The following FGF12 variants were observed in gnomAD, a reference collection of about 807,000 sequenced individuals.
FGF12 encodes fibroblast growth factor 12B.
In FGF12, 14 loss-of-function variants were observed where a neutral mutation model predicts 23.6. The observed-to-expected ratio is 0.59, with a 90% CI of 0.39 to 0.93. FGF12 has a LOEUF of 0.93. Ranked by LOEUF, FGF12 falls within the 40% of genes least tolerant of loss-of-function variation. The probability of loss-of-function intolerance (pLI) is 0.00; values close to 1 mark genes in which losing one functional copy is unlikely to be tolerated. For missense variants in FGF12, 175 were observed against 217.8 expected, an observed-to-expected ratio of 0.80 and a Z score of 1.24; for synonymous variants, 62 against 77.3, an observed-to-expected ratio of 0.80 and a Z score of 1.04.
chr3:192,673,928 A>C (rs1717228010), intron 2 of FGF12, among the ~76,000 whole-genome samples: 1 of 151,180 alleles, frequency 6.6e-6, no homozygotes, highest in South Asian at 2.1e-4. Context: ...GTTGAGTCAA[A>C]TAGTATTTCT....
chr3:192,382,396 G>T (rs191263030), intron 2 of FGF12, among the ~76,000 whole-genome samples: 4 of 152,278 alleles, frequency 2.6e-5, no homozygotes, highest in Admixed American at 2.6e-4. Context: ...CAATGGTGTA[G>T]AACTTCAAAT....
intron 2 of FGF12, among the ~76,000 whole-genome samples, chr3:192,663,436 T>G (rs1716743159): frequency 6.6e-6 from 1 of 152,068 alleles, no homozygotes; most frequent in Non-Finnish European, 1.5e-5. Context: ...GGCTGGTGGG[T>G]GACTTGTTCT....
chr3:192,351,435 G>T (rs1223343459), intron 3 of FGF12, among the ~76,000 whole-genome samples: 1 of 152,144 alleles, frequency 6.6e-6, no homozygotes, highest in Non-Finnish European at 1.5e-5. Context: ...ATATTTAAGG[G>T]GTTTGTACTG....
chr3:192,291,133 T>C (rs1235897047), intron 4 of FGF12, among the ~76,000 whole-genome samples: 2 of 152,206 alleles, frequency 1.3e-5, no homozygotes. Flanking sequence ...TTTCTTATTA[T>C]CTTCTGGTGA....
At chr3:192,464,592 G>C (rs77789506) in intron 2 of FGF12, among the ~76,000 whole-genome samples, 1 of 150,184 alleles carries the variant, frequency 6.7e-6, no homozygotes. Context: ...ATTTGGGCTG[G>C]TTCCATATTT....
At chr3:192,532,668 T>C (rs1253102662) in intron 2 of FGF12, among the ~76,000 whole-genome samples, 1 of 152,174 alleles carries the variant, frequency 6.6e-6, no homozygotes, top group East Asian at 1.9e-4. Flanking sequence ...ACACATACAC[T>C]GTACACACAA....
At chr3:192,433,686 G>C (rs1721930635) in intron 2 of FGF12, among the ~76,000 whole-genome samples, 1 of 152,162 alleles carries the variant, frequency 6.6e-6, no homozygotes, top group South Asian at 2.1e-4. Context: ...CTAACGTCAT[G>C]TAAATATTTA....
intron 5 of FGF12, among the ~76,000 whole-genome samples, chr3:192,148,197 G>T (rs1713832679): frequency 6.6e-6 from 1 of 152,158 alleles, no homozygotes; most frequent in African/African-American, 2.4e-5. Flanking sequence ...GTAGCCAAAA[G>T]ATGGAAGCAC....
chr3:192,217,710 G>A (rs749930570), intron 4 of FGF12, among the ~76,000 whole-genome samples: 2 of 152,054 alleles, frequency 1.3e-5, no homozygotes, highest in South Asian at 2.1e-4. Context: ...GTTTTGTAAC[G>A]GTACACATGC....
chr3:192,710,410 A>G (rs925402284), intron 2 of FGF12, among the ~76,000 whole-genome samples: 3 of 152,212 alleles, frequency 2.0e-5, no homozygotes, highest in Non-Finnish European at 4.4e-5. Flanking sequence ...GTTTTGCATA[A>G]TTCTTTAAAG....
chr3:192,584,701 G>C (rs1713301515), intron 2 of FGF12, among the ~76,000 whole-genome samples: 2 of 152,068 alleles, frequency 1.3e-5, no homozygotes, highest in South Asian at 4.1e-4. Flanking sequence ...GTGCCAGGCT[G>C]CCCTGTATTG....
chr3:192,350,450 A>C (rs1298909820), intron 3 of FGF12, among the ~76,000 whole-genome samples: 1 of 152,226 alleles, frequency 6.6e-6, no homozygotes, highest in Non-Finnish European at 1.5e-5. Flanking sequence ...TCTAAAGATG[A>C]AAACAAAATT....
intron 3 of FGF12, among the ~76,000 whole-genome samples, chr3:192,347,564 G>C (rs913490783): frequency 6.6e-6 from 1 of 152,104 alleles, no homozygotes; most frequent in Non-Finnish European, 1.5e-5. Context: ...CAGTGTCAAA[G>C]ACTGGGAAGA....
intron 2 of FGF12, among the ~76,000 whole-genome samples, chr3:192,606,928 G>C (rs1023969916): frequency 6.6e-6 from 1 of 152,102 alleles, no homozygotes; most frequent in African/African-American, 2.4e-5. Flanking sequence ...GCAGCATGTT[G>C]AATAAGCCAG....
At chr3:192,583,647 T>C (rs6765701) in intron 2 of FGF12, among the ~76,000 whole-genome samples, 8,693 of 152,224 alleles carry the variant, frequency 0.057, 767 homozygotes, top group African/African-American at 0.19. Context: ...TCATCCTACC[T>C]ACAATTGAAG....
At chr3:192,299,743 C>G (rs372452691) in intron 4 of FGF12, among the ~76,000 whole-genome samples, 3 of 152,016 alleles carry the variant, frequency 2.0e-5, no homozygotes, top group African/African-American at 7.2e-5. Flanking sequence ...GAAGGGAGGA[C>G]GAGTGACTCC....
chr3:192,213,997 A>T (rs77605234), intron 4 of FGF12, among the ~76,000 whole-genome samples: 1,666 of 152,264 alleles, frequency 0.011, 29 homozygotes, highest in African/African-American at 0.038. Context: ...GCTTTTTTTT[A>T]AAAAACTGTT....
intron 3 of FGF12, among the ~76,000 whole-genome samples, chr3:192,359,417 T>C (rs1718619752): frequency 6.6e-6 from 1 of 152,176 alleles, no homozygotes; most frequent in Non-Finnish European, 1.5e-5. Flanking sequence ...ATCAGCCTGA[T>C]CACAAAATTA....
At chr3:192,395,081 C>T (rs1038320165) in intron 2 of FGF12, among the ~76,000 whole-genome samples, 4 of 152,254 alleles carry the variant, frequency 2.6e-5, no homozygotes, top group East Asian at 1.9e-4. Flanking sequence ...ATTAACCTAA[C>T]GTTAAGAAAC....
Sources: gnomAD v4.1 joint callset for allele counts (sites outside exome capture counted in the v4.1 genomes callset) on GRCh38, gnomAD v4.1.1 for gene constraint, MANE v1.5 for transcripts, NCBI Gene and HGNC (gene_info 2026-07-23, HGNC 2026-07-21) for gene names.